EPB41L5: variants seen among roughly 807,000 people sequenced by gnomAD.
EPB41L5 encodes the protein band 4.1-like protein 5.
EPB41L5 carries 55 observed loss-of-function variants against 106.6 expected under a neutral mutation model. That is an observed-to-expected ratio of 0.52 (90% CI 0.42 to 0.65). The LOEUF is 0.65. Ranked by LOEUF, EPB41L5 falls within the 30% of genes least tolerant of loss-of-function variation. EPB41L5 has a pLI of 0.00. For synonymous variants in EPB41L5, 297 were observed against 306.7 expected (o/e 0.97, Z 0.33); for missense variants, 871 against 882.1 (o/e 0.99, Z 0.16).
At position 120,075,645 on chromosome 2, in the gene EPB41L5, C is replaced by T. The variant is rs997279397; in HGVS notation, c.453-56C>T. ...TAAAACATGTATTATTTTCATTTGT[C>T]TTAAAATGAAGGTTATGAAATCAAC... On this transcript the variant is annotated intron_variant, in intron 6 of 24. Coordinates refer to ENST00000263713, the MANE Select transcript of EPB41L5 (RefSeq NM_020909.4). 10 of 1,472,072 alleles carry T rather than the reference C, an allele frequency of 6.8e-6. No individual in the cohort carries two copies. In the African/African-American group the frequency reaches 8.3e-5, roughly 12 times the overall value. 91.2% of individuals were successfully genotyped at this position (1,472,072 alleles called of 1,614,324 possible). A position where few individuals can be genotyped will look rare whatever the true frequency, so the allele number is the denominator to read the frequency against.
chr2:120,118,694 C>T (rs1266688643), intron 16 of EPB41L5, among the ~76,000 whole-genome samples: 3 of 152,214 alleles, frequency 2.0e-5, no homozygotes, highest in Non-Finnish European at 2.9e-5. Context: ...TTTATGACTG[C>T]GTAGTATTCC....
chr2:120,019,411 C>A, intron 2 of EPB41L5, 147 bp downstream of exon 2: 2 of 660,132 alleles, frequency 3.0e-6, no homozygotes, highest in Non-Finnish European at 4.9e-6. Context: ...CATTCAGGTA[C>A]ATGGATCAGA....
At chr2:120,091,698 T>C (rs1278382317) in intron 13 of EPB41L5, 37 bp downstream of exon 13, 1 of 1,518,162 alleles carries the variant, frequency 6.6e-7, no homozygotes. Context: ...TTATTTTTCC[T>C]TGGCAATTAA....
At chr2:120,119,545 A>G (rs982663179) in intron 16 of EPB41L5, among the ~76,000 whole-genome samples, 2 of 152,124 alleles carry the variant, frequency 1.3e-5, no homozygotes, top group African/African-American at 4.8e-5. Context: ...GGTATAAGGA[A>G]GGGGTCCAGT....
intron 14 of EPB41L5, among the ~76,000 whole-genome samples, chr2:120,099,202 TCTTA>T (rs1683970993): frequency 1.3e-5 from 2 of 152,182 alleles, no homozygotes; most frequent in African/African-American, 2.4e-5. Context: ...TAGTTGAATT[TCTTA>T]CTTCAGGGAT....
intron 10 of EPB41L5, among the ~76,000 whole-genome samples, chr2:120,081,929 A>C (rs1241389637): frequency 6.6e-6 from 1 of 152,064 alleles, no homozygotes; most frequent in East Asian, 1.9e-4. Context: ...TTGGTGTATA[A>C]GAATGCTTGT....
intron 10 of EPB41L5, among the ~76,000 whole-genome samples, chr2:120,083,059 C>G (rs1309550816): frequency 1.3e-5 from 2 of 152,156 alleles, no homozygotes; most frequent in South Asian, 4.1e-4. Flanking sequence ...AAACAACCAG[C>G]TCCTGGATTG....
Position 120,082,889 on chromosome 2 carries a change from C to T in EPB41L5, c.804-4282C>T, listed in dbSNP as rs140900645. Among the ~76,000 whole-genome samples, 212 of 152,244 alleles carry T rather than the reference C, an allele frequency of 1.4e-3. 7 individuals carry two copies. In the East Asian group the frequency reaches 0.037, roughly 27 times the overall value. ...CTATTCTAGATTTTTTGTTTATTTGCATAGAGGTGTTTATTGTATTCTCTG... is the reference window on the plus strand; with the variant it reads ...CTATTCTAGATTTTTTGTTTATTTGTATAGAGGTGTTTATTGTATTCTCTG... On this transcript the variant is annotated intron_variant, in intron 10 of 24. Transcript: ENST00000263713.
chr2:120,040,361 C>G (rs998867844), intron 2 of EPB41L5, among the ~76,000 whole-genome samples: 1 of 152,112 alleles, frequency 6.6e-6, no homozygotes, highest in South Asian at 2.1e-4. Context: ...ATCACACTTA[C>G]CAGTAGCAGT....
chr2:120,128,467 T>C (rs1685556702), intron 17 of EPB41L5, among the ~76,000 whole-genome samples: 1 of 152,216 alleles, frequency 6.6e-6, no homozygotes, highest in South Asian at 2.1e-4. Flanking sequence ...GACCATTTGA[T>C]TTCTATTGGA....
intron 3 of EPB41L5, among the ~76,000 whole-genome samples, chr2:120,048,195 C>T (rs2105233952): frequency 6.6e-6 from 1 of 152,270 alleles, no homozygotes; most frequent in East Asian, 1.9e-4. Context: ...GGGAGGATTC[C>T]CTCTTTCTCT....
chr2:120,033,708 CAAAAAAAAAA>C (rs3084761), intron 2 of EPB41L5, among the ~76,000 whole-genome samples: 3 of 97,398 alleles, frequency 3.1e-5, no homozygotes, highest in Admixed American at 1.1e-4. Context: ...AACTCCATCT[CAAAAAAAAAA>C]AAAAAAAAAA....
Position 120,151,622 on chromosome 2 carries a change from T to C in EPB41L5, c.1793+5333T>C, listed in dbSNP as rs964656900. On this transcript the variant is annotated intron_variant, in intron 20 of 24. Transcript: ENST00000263713. ...ACTGCGTCTGGCCCTTTTTTTTTTTTTTTTTTTTTTAAAGACGGAGTCTTG... is the reference window on the plus strand; with the variant it reads ...ACTGCGTCTGGCCCTTTTTTTTTTTCTTTTTTTTTTAAAGACGGAGTCTTG... 6.8e-5 allele frequency among the ~76,000 whole-genome samples: 10 copies of C among 147,458 alleles called. 1 individual carries two copies. In the South Asian group the frequency reaches 8.7e-4, roughly 13 times the overall value.
chr2:120,095,705 A>G (rs1413313814), intron 14 of EPB41L5, among the ~76,000 whole-genome samples: 13 of 151,906 alleles, frequency 8.6e-5, no homozygotes, highest in South Asian at 2.1e-4. Context: ...GTCTTGCTCT[A>G]TCGCTCAGGT....
intron 14 of EPB41L5, among the ~76,000 whole-genome samples, chr2:120,099,752 A>G (rs1205465359): frequency 1.3e-5 from 2 of 152,184 alleles, no homozygotes; most frequent in South Asian, 2.1e-4. Flanking sequence ...GAACGTGTTT[A>G]TAAGTCATTT....
chr2:120,178,846 T>C lies in EPB41L5; in HGVS notation c.*3939T>C, dbSNP rs1028804442. Reference sequence around the variant, plus strand: ...TCTCCTCTTCAGAGAGATTTTTTTTTATAGCACAGATTCCTTTGCCCCTTT... The same window carrying C: ...TCTCCTCTTCAGAGAGATTTTTTTTCATAGCACAGATTCCTTTGCCCCTTT... On this transcript the variant is annotated 3_prime_UTR_variant, in exon 25 of 25. Coordinates refer to ENST00000263713, the MANE Select transcript of EPB41L5 (RefSeq NM_020909.4). 6.6e-6 allele frequency: 1 copy of C among 152,258 alleles called. No individual in the cohort carries two copies. Among genetic ancestry groups the C allele is most frequent in the Non-Finnish European group, 1.5e-5 (1 of 68,048 alleles). 9.4% of individuals were successfully genotyped at this position (152,258 alleles called of 1,614,324 possible).
chr2:120,107,021 A>C (rs896054795), intron 16 of EPB41L5: 2 of 716,948 alleles, frequency 2.8e-6, no homozygotes, highest in African/African-American at 3.9e-5. Context: ...AGGGGAGTTT[A>C]TTTAAAGTGT....
rs1683343840 is a variant in EPB41L5 at position 120,090,585 on chromosome 2, C to CTTT, written c.1043+73_1043+75dup. ...GCCAAAAAATTTAGGCCAATCTTCT[C>CTTT]TTTTTTACAGATATGGTAACTAAGG... On this transcript the variant is annotated intron_variant, in intron 12 of 24. Transcript: ENST00000263713. 54 of 1,383,466 alleles carry CTTT rather than the reference C, an allele frequency of 3.9e-5. 1 individual carries two copies. The South Asian group carries it at 7.0e-4, about 18-fold the overall frequency. 85.7% of individuals were successfully genotyped at this position (1,383,466 alleles called of 1,614,324 possible). A position where few individuals can be genotyped will look rare whatever the true frequency, so the allele number is the denominator to read the frequency against.
chr2:120,046,969 G>C (rs1318398980), intron 3 of EPB41L5, among the ~76,000 whole-genome samples: 1 of 152,112 alleles, frequency 6.6e-6, no homozygotes, highest in Admixed American at 6.6e-5. Flanking sequence ...TCAGATGGTT[G>C]TAGATGTGTG....
Sources: allele counts gnomAD v4.1 joint callset (sites outside exome capture counted in the v4.1 genomes callset), GRCh38; gene constraint gnomAD v4.1.1; transcripts MANE v1.5; gene names NCBI Gene and HGNC (gene_info 2026-07-23, HGNC 2026-07-21).